The following SH3RF3 variants were observed in gnomAD, a reference collection of about 807,000 sequenced individuals.
SH3RF3 encodes the protein SH3 domain containing ring finger 3.
SH3RF3 carries 29 observed loss-of-function variants against 66.3 expected under a neutral mutation model. The observed-to-expected ratio is 0.44, with a 90% CI of 0.33 to 0.60. The LOEUF (loss-of-function observed/expected upper bound fraction) is 0.60. Ranked by LOEUF, SH3RF3 falls within the 20% of genes least tolerant of loss-of-function variation. The probability of loss-of-function intolerance (pLI) is 0.04; values close to 1 mark genes in which losing one functional copy is unlikely to be tolerated. For synonymous variants in SH3RF3, 583 were observed against 532.0 expected (o/e 1.10, Z -1.32); for missense variants, 1,194 against 1,190.9 (o/e 1.00, Z -0.04).
intron 1 of SH3RF3, among the ~76,000 whole-genome samples, chr2:109,245,904 C>G (rs1270739067): frequency 6.6e-6 from 1 of 152,114 alleles, no homozygotes; most frequent in African/African-American, 2.4e-5. Flanking sequence ...TCCCGGGCAT[C>G]ATTTACTGGT....
chr2:109,451,436 G>A (rs779896308), intron 8 of SH3RF3, among the ~76,000 whole-genome samples: 4 of 152,188 alleles, frequency 2.6e-5, no homozygotes, highest in Non-Finnish European at 5.9e-5. Context: ...AGTTCCTTAA[G>A]CATTTCTAGT....
intron 9 of SH3RF3, among the ~76,000 whole-genome samples, chr2:109,493,944 G>GTC (rs1157655907): frequency 6.6e-6 from 1 of 152,052 alleles, no homozygotes. Flanking sequence ...CTCCTAAGGA[G>GTC]TCTCCTCCGC....
At chr2:109,306,496 G>T (rs1681601538) in intron 1 of SH3RF3, among the ~76,000 whole-genome samples, 1 of 152,214 alleles carries the variant, frequency 6.6e-6, no homozygotes, top group Admixed American at 6.5e-5. Flanking sequence ...CCATGGAGGG[G>T]CAGGGCAGGG....
intron 8 of SH3RF3, among the ~76,000 whole-genome samples, chr2:109,456,242 C>T (rs1678053712): frequency 1.3e-5 from 2 of 152,178 alleles, no homozygotes; most frequent in Non-Finnish European, 2.9e-5. Context: ...CAGAAGGGGT[C>T]GCAGAGTCAG....
chr2:109,273,189 G>A (rs1298209795), intron 1 of SH3RF3, among the ~76,000 whole-genome samples: 1 of 152,218 alleles, frequency 6.6e-6, no homozygotes, highest in Admixed American at 6.5e-5. Context: ...TAACTAGGAA[G>A]ATCCTAGGCC....
At chr2:109,415,632 C>G (rs941818194) in intron 4 of SH3RF3, among the ~76,000 whole-genome samples, 5 of 152,150 alleles carry the variant, frequency 3.3e-5, no homozygotes, top group Non-Finnish European at 5.9e-5. Context: ...TGCCTGTCCT[C>G]CAGGGACGCC....
At chr2:109,455,194 C>T (rs949236830) in intron 8 of SH3RF3, among the ~76,000 whole-genome samples, 7 of 152,124 alleles carry the variant, frequency 4.6e-5, no homozygotes, top group African/African-American at 9.7e-5. Context: ...GGTCATGGCC[C>T]GTCCAGGAGT....
At chr2:109,352,256 A>G (rs1381492870) in intron 2 of SH3RF3, among the ~76,000 whole-genome samples, 7 of 152,180 alleles carry the variant, frequency 4.6e-5, no homozygotes, top group Admixed American at 4.6e-4. Context: ...CAGATGGTAC[A>G]TATCACTTTT....
chr2:109,380,604 T>C (rs368115362), intron 3 of SH3RF3, among the ~76,000 whole-genome samples: 5 of 152,222 alleles, frequency 3.3e-5, no homozygotes, highest in Non-Finnish European at 5.9e-5. Flanking sequence ...CCCTGGGAGC[T>C]TCTGTGGGGA....
At chr2:109,383,188 G>A (rs574958403) in intron 3 of SH3RF3, among the ~76,000 whole-genome samples, 25 of 152,374 alleles carry the variant, frequency 1.6e-4, no homozygotes, top group African/African-American at 5.3e-4. Flanking sequence ...GAGAGATTTG[G>A]CACTGGGTGC....
intron 4 of SH3RF3, among the ~76,000 whole-genome samples, chr2:109,418,860 A>G (rs1336121605): frequency 9.2e-5 from 14 of 152,150 alleles, no homozygotes; most frequent in Admixed American, 9.2e-4. Context: ...GCTGCCCTGC[A>G]TGGGCTGGGA....
intron 1 of SH3RF3, among the ~76,000 whole-genome samples, chr2:109,196,230 G>A (rs550176952): frequency 2.4e-4 from 36 of 152,258 alleles, no homozygotes; most frequent in African/African-American, 7.0e-4. Context: ...TGTTTGGGAC[G>A]GCAGAGACTG....
chr2:109,135,985 C>G (rs1169636711), intron 1 of SH3RF3, among the ~76,000 whole-genome samples: 2 of 152,218 alleles, frequency 1.3e-5, no homozygotes, highest in Admixed American at 6.5e-5. Context: ...GAGCCCACCT[C>G]CGTCATCCGT....
intron 1 of SH3RF3, among the ~76,000 whole-genome samples, chr2:109,265,008 C>A (rs1181953163): frequency 6.6e-6 from 1 of 152,232 alleles, no homozygotes; most frequent in East Asian, 1.9e-4. Context: ...GTCTTAGAGG[C>A]ATCATCAGCC....
chr2:109,146,406 TTCTGTGGAG>T (rs1166270961), intron 1 of SH3RF3, among the ~76,000 whole-genome samples: 2 of 152,148 alleles, frequency 1.3e-5, no homozygotes, highest in East Asian at 3.9e-4. Context: ...ACTGGCCCAT[TTCTGTGGAG>T]TCTGTGGAGT....
intron 1 of SH3RF3, among the ~76,000 whole-genome samples, chr2:109,214,660 C>G (rs527276785): frequency 1.3e-5 from 2 of 152,262 alleles, no homozygotes; most frequent in East Asian, 3.9e-4. Context: ...GACACTCTTG[C>G]TGGCATCTGT....
chr2:109,156,946 A>C (rs955951206), intron 1 of SH3RF3, among the ~76,000 whole-genome samples: 1 of 152,226 alleles, frequency 6.6e-6, no homozygotes, highest in Non-Finnish European at 1.5e-5. Flanking sequence ...TCTTATTTAA[A>C]GACTACCAAT....
chr2:109,424,003 C>T (rs1004673855), intron 5 of SH3RF3, among the ~76,000 whole-genome samples: 10 of 152,204 alleles, frequency 6.6e-5, no homozygotes, highest in South Asian at 2.1e-4. Flanking sequence ...ACGTCTGGGC[C>T]GCTGCAGGGC....
At chr2:109,209,447 T>C (rs1678915823) in intron 1 of SH3RF3, among the ~76,000 whole-genome samples, 1 of 152,150 alleles carries the variant, frequency 6.6e-6, no homozygotes, top group African/African-American at 2.4e-5. Flanking sequence ...AAGCTGCTTA[T>C]GTGATGCCAT....
Sources: allele counts gnomAD v4.1 joint callset (sites outside exome capture counted in the v4.1 genomes callset), GRCh38; gene constraint gnomAD v4.1.1; transcripts MANE v1.5; gene names NCBI Gene and HGNC (gene_info 2026-07-23, HGNC 2026-07-21).